Variants in CLRN1 observed in about 807,000 individuals in gnomAD.
CLRN1 encodes the protein clarin-1.
Under a neutral mutation model 18.7 loss-of-function variants are expected in CLRN1, and 15 were observed. The observed-to-expected ratio is 0.80, with a 90% CI of 0.54 to 1.23. The LOEUF is 1.23. CLRN1 is among the 50% of genes most tolerant of loss of function. The pLI is 0.00. For synonymous variants in CLRN1, 104 were observed against 102.9 expected (o/e 1.01, Z -0.07); for missense variants, 311 against 277.5 (o/e 1.12, Z -0.86).
intron 1 of CLRN1, chr3:150,943,925 G>C: frequency 6.2e-7 from 1 of 1,609,824 alleles, no homozygotes; most frequent in Non-Finnish European, 8.5e-7. Flanking sequence ...GCAAGAGGTT[G>C]AGCAGGGCAG....
rs747959695 is a variant in CLRN1, at chr3:150,927,813, C to T, written c.*123G>A. ...GTATCCTTAGTACGTAATTTGTAAA[C>T]ATTGTCACGAAGGGTCCTGATGCTT... On this transcript the variant is annotated 3_prime_UTR_variant, in exon 3 of 3. Transcript: ENST00000327047. 28 of 1,206,724 alleles carry T rather than the reference C, an allele frequency of 2.3e-5. No homozygotes were observed. Among genetic ancestry groups the T allele is most frequent in the Non-Finnish European group, 3.4e-5 (28 of 821,720 alleles). 74.8% of individuals were successfully genotyped at this position (1,206,724 alleles called of 1,614,324 possible). A position where few individuals can be genotyped will look rare whatever the true frequency, so the allele number is the denominator to read the frequency against.
downstream of CLRN1, chr3:150,926,478 CAA>C (rs11366223): frequency 4.3e-4 from 142 of 328,864 alleles, no homozygotes; most frequent in Middle Eastern, 1.1e-3. Context: ...AGCCTGTTAC[CAA>C]AAAAAAAAAA....
At chr3:150,940,978 G>C (rs985999458) in intron 2 of CLRN1, among the ~76,000 whole-genome samples, 1 of 151,860 alleles carries the variant, frequency 6.6e-6, no homozygotes, top group African/African-American at 2.4e-5. Flanking sequence ...ACTCTTTTTT[G>C]ATGCCATTTA....
intron 1 of CLRN1, among the ~76,000 whole-genome samples, chr3:150,953,490 GA>G (rs1005553326): frequency 5.3e-4 from 80 of 151,436 alleles, no homozygotes; most frequent in Non-Finnish European, 8.1e-4. Context: ...ATAACAATAA[GA>G]AAAAAAAGCC....
intron 1 of CLRN1, among the ~76,000 whole-genome samples, chr3:150,966,623 T>A (rs917087212): frequency 6.6e-6 from 1 of 152,250 alleles, no homozygotes; most frequent in African/African-American, 2.4e-5. Flanking sequence ...CATCCCATTC[T>A]TCAATTTCCC....
chr3:150,968,497 A>C (rs1198263263), intron 1 of CLRN1, among the ~76,000 whole-genome samples: 1 of 152,212 alleles, frequency 6.6e-6, no homozygotes, highest in Non-Finnish European at 1.5e-5. Context: ...ATGAGGCAGA[A>C]GTTTTCCCAG....
rs149647680 is a variant in CLRN1 at position 150,928,130 on chromosome 3, C to T, written c.505G>A (p.Ala169Thr). The T allele has an allele frequency of 2.5e-6, 4 of 1,613,304 alleles. No individual in the cohort carries two copies. In the African/African-American group the frequency reaches 4.0e-5, roughly 16 times the overall value. The stretch of plus-strand genomic sequence containing the variant: ...ACATAAGTCCCTTCTTTATAATTTG[C>T]AATTTTTTCTGAGAGGTGATGGATT... Reference protein sequence around the residue: ...VKIHHLSEKIANYKEGTYVYK... With the variant: ...VKIHHLSEKITNYKEGTYVYK... Residue 169 changes from alanine to threonine, a missense_variant, in exon 3 of 3, where the codon GCA becomes ACA. By Grantham distance (58) the Ala-to-Thr change is moderately conservative (BLOSUM62 0). Transcript: ENST00000327047.
intron 1 of CLRN1, among the ~76,000 whole-genome samples, chr3:150,944,677 C>G (rs1714069915): frequency 6.6e-6 from 1 of 151,770 alleles, no homozygotes; most frequent in African/African-American, 2.4e-5. Context: ...ATTGCTTGAA[C>G]CCAGGAGGCA....
At chr3:150,952,558 A>C (rs544139328) in intron 1 of CLRN1, among the ~76,000 whole-genome samples, 1 of 152,350 alleles carries the variant, frequency 6.6e-6, no homozygotes, top group African/African-American at 2.4e-5. Flanking sequence ...AGTCACATCT[A>C]TACTACAATA....
chr3:150,927,311 A>G lies in CLRN1; in HGVS notation c.*625T>C, dbSNP rs1028159312. On this transcript the variant is annotated 3_prime_UTR_variant, in exon 3 of 3. Coordinates refer to ENST00000327047, the MANE Select transcript of CLRN1 (RefSeq NM_174878.3). The stretch of plus-strand genomic sequence containing the variant: ...ATTTTATTTTTTAATTTTGTTAGTG[A>G]CAGGGTCTCACTTTATTGCCCAGGC... 2.6e-6 allele frequency: 1 copy of G among 382,436 alleles called. No homozygotes were observed. Among genetic ancestry groups the G allele is most frequent in the African/African-American group, 2.1e-5 (1 of 46,706 alleles). The allele number at this position is 382,436 out of a possible 1,614,324, so 23.7% of individuals were successfully genotyped here.
chr3:150,972,494 C>T lies in CLRN1; in HGVS notation c.215G>A (p.Arg72Lys). The change falls in exon 1 of 3, where the codon AGG becomes AAG. Residue 72 changes from arginine to lysine, a missense_variant. Transcript: ENST00000327047. ...GGGCCTTGCTCCCAACCCACACTGC[C>T]TCACACCCTCTCCGTGGAAAAGCCC... ...QYGLFHGEGV[R>K]QCGLGARPFR... 1.9e-6 allele frequency: 3 copies of T among 1,614,206 alleles called. No homozygotes were observed. The highest frequency in any genetic ancestry group is 2.5e-6 in the Non-Finnish European group (3 of 1,180,046).
At chr3:150,969,438 T>C (rs1715429074) in intron 1 of CLRN1, among the ~76,000 whole-genome samples, 1 of 145,694 alleles carries the variant, frequency 6.9e-6, no homozygotes, top group South Asian at 2.3e-4. Flanking sequence ...GCCATTCTCC[T>C]GCCTCAGCCT....
At chr3:150,956,700 T>C (rs931675977) in intron 1 of CLRN1, among the ~76,000 whole-genome samples, 1 of 152,162 alleles carries the variant, frequency 6.6e-6, no homozygotes, top group Non-Finnish European at 1.5e-5. Flanking sequence ...AGGGGCTCTA[T>C]ATTTTGGGCT....
chr3:150,948,629 G>T (rs1293174314), intron 1 of CLRN1, among the ~76,000 whole-genome samples: 1 of 150,316 alleles, frequency 6.7e-6, no homozygotes, highest in Non-Finnish European at 1.5e-5. Flanking sequence ...TAAATTCCTG[G>T]ATACATACAC....
At chr3:150,942,059 C>T (rs768629432) in intron 1 of CLRN1, among the ~76,000 whole-genome samples, 1 of 151,548 alleles carries the variant, frequency 6.6e-6, no homozygotes, top group Non-Finnish European at 1.5e-5. Context: ...CAAATCTGTA[C>T]ATTTTAATAA....
intron 2 of CLRN1, among the ~76,000 whole-genome samples, chr3:150,928,682 G>A (rs1365915817): frequency 6.6e-6 from 1 of 152,190 alleles, no homozygotes; most frequent in African/African-American, 2.4e-5. Context: ...CCTTCAGAAG[G>A]GTTACCACAG....
intron 1 of CLRN1, among the ~76,000 whole-genome samples, chr3:150,946,461 G>A (rs973170120): frequency 1.3e-5 from 2 of 152,128 alleles, no homozygotes; most frequent in East Asian, 1.9e-4. Context: ...TTCTGGGAAG[G>A]GAGACTAAGG....
intron 2 of CLRN1, among the ~76,000 whole-genome samples, chr3:150,938,016 A>T (rs917465201): frequency 1.3e-5 from 2 of 152,120 alleles, no homozygotes; most frequent in Non-Finnish European, 2.9e-5. Flanking sequence ...CCAGGATGCC[A>T]AGTCTTGGGT....
chr3:150,934,248 T>A (rs1375660631), intron 2 of CLRN1, among the ~76,000 whole-genome samples: 1 of 152,194 alleles, frequency 6.6e-6, no homozygotes, highest in African/African-American at 2.4e-5. Flanking sequence ...TGTATATGAA[T>A]GTGCTTATGT....
Sources: gnomAD v4.1 joint callset for allele counts (sites outside exome capture counted in the v4.1 genomes callset) on GRCh38, gnomAD v4.1.1 for gene constraint, MANE v1.5 for transcripts, NCBI Gene and HGNC (gene_info 2026-07-23, HGNC 2026-07-21) for gene names.